THSD4: variants seen among roughly 807,000 people sequenced by gnomAD.
THSD4 encodes the protein thrombospondin type-1 domain-containing protein 4.
In THSD4, 69 loss-of-function variants were observed where a neutral mutation model predicts 119.0. The ratio of observed to expected loss-of-function variants is 0.58; its 90% confidence interval spans 0.48 to 0.71. THSD4 has a LOEUF of 0.71. THSD4 is among the 30% of genes least tolerant of loss of function. The pLI, the probability that THSD4 is intolerant of heterozygous loss-of-function variation, is 0.00. For synonymous variants in THSD4, 524 were observed against 540.4 expected (o/e 0.97, Z 0.42); for missense variants, 1,393 against 1,391.1 (o/e 1.00, Z -0.02).
chr15:71,350,323 C>T (rs2045727866), intron 6 of THSD4, among the ~76,000 whole-genome samples: 1 of 151,714 alleles, frequency 6.6e-6, no homozygotes, highest in South Asian at 2.1e-4. Context: ...GTTTAATGTT[C>T]GTTTTTGGCA....
At chr15:71,473,493 A>C (rs1402493755) in intron 7 of THSD4, among the ~76,000 whole-genome samples, 1 of 152,188 alleles carries the variant, frequency 6.6e-6, no homozygotes, top group East Asian at 1.9e-4. Context: ...TGAGCCTTCA[A>C]ATCTACCAGG....
chr15:71,620,278 A>G (rs2050397406), intron 7 of THSD4, among the ~76,000 whole-genome samples: 1 of 152,206 alleles, frequency 6.6e-6, no homozygotes, highest in Admixed American at 6.5e-5. Flanking sequence ...ATGGTGTCTA[A>G]CATATTATTG....
chr15:71,603,486 C>CTGCATCTATCAG lies in THSD4; in HGVS notation c.1153-57044_1153-57043insTGCATCTATCAG, dbSNP rs2050051963. On this transcript the variant is annotated intron_variant, in intron 7 of 17. Transcript: ENST00000261862. ...ATCTGCCTCCTGCATCTATCAGAAC[C>CTGCATCTATCAG]AAGTGGGTCATGAGATGCGTAGTTA... Among the ~76,000 whole-genome samples the CTGCATCTATCAG allele has an allele frequency of 7.2e-5, 11 of 152,300 alleles. No homozygotes were observed. In the South Asian group the frequency reaches 2.3e-3, roughly 32 times the overall value.
intron 7 of THSD4, among the ~76,000 whole-genome samples, chr15:71,604,157 G>T (rs1427462391): frequency 6.6e-6 from 1 of 152,152 alleles, no homozygotes; most frequent in African/African-American, 2.4e-5. Flanking sequence ...GGGCCCTAAT[G>T]AGTTTGGGGT....
intron 8 of THSD4, among the ~76,000 whole-genome samples, chr15:71,722,520 C>T (rs185131805): frequency 6.6e-6 from 1 of 152,162 alleles, no homozygotes; most frequent in Non-Finnish European, 1.5e-5. Flanking sequence ...ACGATATTCC[C>T]ATTAAAAGCA....
At chr15:71,422,560 T>C (rs886268577) in intron 7 of THSD4, among the ~76,000 whole-genome samples, 1 of 152,194 alleles carries the variant, frequency 6.6e-6, no homozygotes, top group African/African-American at 2.4e-5. Flanking sequence ...CTCTCTGTGA[T>C]AAGCTGCCTG....
chr15:71,337,305 G>A (rs573711691), intron 6 of THSD4, among the ~76,000 whole-genome samples: 1 of 152,184 alleles, frequency 6.6e-6, no homozygotes, highest in Non-Finnish European at 1.5e-5. Context: ...CAGTCCAGGG[G>A]GACCGAGGGT....
chr15:71,478,049 T>A (rs10162974), intron 7 of THSD4, among the ~76,000 whole-genome samples: 142,179 of 152,242 alleles, frequency 0.93, 67,030 homozygotes, highest in East Asian at 1. Flanking sequence ...CTTGGCACAA[T>A]GTTTTCCTTA....
intron 6 of THSD4, among the ~76,000 whole-genome samples, chr15:71,405,459 A>G (rs72743805): frequency 0.048 from 7,275 of 152,226 alleles, 229 homozygotes; most frequent in Middle Eastern, 0.092. Flanking sequence ...TTTTTTCCCT[A>G]ATGAATTGTC....
chr15:71,776,450 G>A (rs921451588), intron 17 of THSD4, among the ~76,000 whole-genome samples: 1 of 152,118 alleles, frequency 6.6e-6, no homozygotes, highest in Non-Finnish European at 1.5e-5. Context: ...AGCTTGAATG[G>A]CAAATATACA....
chr15:71,382,380 T>C (rs1279174958), intron 6 of THSD4, among the ~76,000 whole-genome samples: 1 of 152,222 alleles, frequency 6.6e-6, no homozygotes, highest in Admixed American at 6.5e-5. Flanking sequence ...ATCAGTGTAC[T>C]TTTGCTATTA....
At chr15:71,110,169 G>A (rs1464272571) in intron 1 of THSD4, 1 of 152,160 alleles carries the variant, frequency 6.6e-6, no homozygotes, top group East Asian at 1.9e-4. Flanking sequence ...GTACCAGGCG[G>A]CAGTGTGAGC....
intron 1 of THSD4, among the ~76,000 whole-genome samples, chr15:71,134,344 C>T (rs374620741): frequency 1.6e-4 from 25 of 152,318 alleles, no homozygotes; most frequent in African/African-American, 5.3e-4. Context: ...GATTGATGAC[C>T]GCCACCAGAG....
At chr15:71,204,354 C>T (rs1484742330) in intron 3 of THSD4, among the ~76,000 whole-genome samples, 1 of 152,182 alleles carries the variant, frequency 6.6e-6, no homozygotes, top group African/African-American at 2.4e-5. Context: ...CATGGAAATC[C>T]ATCCGGGCCT....
chr15:71,265,275 G>C (rs2044450633), intron 6 of THSD4, among the ~76,000 whole-genome samples: 2 of 152,110 alleles, frequency 1.3e-5, no homozygotes, highest in Admixed American at 1.3e-4. Flanking sequence ...ACTGGGACTG[G>C]TTAGACAGTA....
At chr15:71,549,849 T>C (rs1443727119) in intron 7 of THSD4, 1 of 152,358 alleles carries the variant, frequency 6.6e-6, no homozygotes. Context: ...GTGAGGTCCT[T>C]TCAGATAAGC....
At chr15:71,108,864 T>C (rs1165812115) in intron 1 of THSD4, among the ~76,000 whole-genome samples, 2 of 152,062 alleles carry the variant, frequency 1.3e-5, no homozygotes, top group East Asian at 3.9e-4. Flanking sequence ...TGGTGGCATG[T>C]GCCTGTAGTC....
chr15:71,349,470 G>C, intron 6 of THSD4, among the ~76,000 whole-genome samples: 1 of 147,848 alleles, frequency 6.8e-6, no homozygotes, highest in East Asian at 1.9e-4. Context: ...AACATGTCTT[G>C]AAGGTGTGGC....
intron 7 of THSD4, among the ~76,000 whole-genome samples, chr15:71,654,246 A>G (rs1196069255): frequency 6.6e-6 from 1 of 152,212 alleles, no homozygotes; most frequent in African/African-American, 2.4e-5. Context: ...TGTTTGTTTT[A>G]CCTTCATGTC....
Sources: gnomAD v4.1 joint callset for allele counts (sites outside exome capture counted in the v4.1 genomes callset) on GRCh38, gnomAD v4.1.1 for gene constraint, MANE v1.5 for transcripts, NCBI Gene and HGNC (gene_info 2026-07-23, HGNC 2026-07-21) for gene names.